Variants in POLQ observed in about 807,000 individuals in gnomAD.
POLQ encodes the protein epididymis secretory sperm binding protein.
In POLQ, 233 loss-of-function variants were observed where a neutral mutation model predicts 259.2. That is an observed-to-expected ratio of 0.90 (90% CI 0.81 to 1.00). The LOEUF is 1.00. Ranked by LOEUF, POLQ falls within the 50% of genes least tolerant of loss-of-function variation. The pLI is 0.00. For synonymous variants in POLQ, 1,025 were observed against 1,048.8 expected (o/e 0.98, Z 0.44); for missense variants, 2,871 against 3,051.6 (o/e 0.94, Z 1.39).
At chr3:121,504,352 C>T (rs1443917839) in intron 12 of POLQ, among the ~76,000 whole-genome samples, 5 of 152,080 alleles carry the variant, frequency 3.3e-5, no homozygotes, top group Non-Finnish European at 7.4e-5. Flanking sequence ...AAGAAAAAAT[C>T]GAAACTCTGA....
Position 121,529,737 on chromosome 3 carries a change from G to C in POLQ, c.1016C>G (p.Ser339Ter). The C allele has an allele frequency of 6.2e-7, 1 of 1,611,432 alleles. No homozygotes were observed. The highest frequency in any genetic ancestry group is 1.1e-5 in the South Asian group (1 of 90,980). ...CTTTGATGGACAAAAAAGTAATACT[G>C]AATGGTTATCACAAATCGTCTCATA... ...LCYETICDNHSVLLFCPSKKW... is the reference protein window; with the variant it reads ...LCYETICDNH The change falls in exon 7 of 30, where the codon TCA becomes TGA. Residue 339 changes from serine (S) to a stop codon, truncating the protein, a stop_gained. Transcript: ENST00000264233. LOFTEE classifies it high-confidence loss of function.
intron 15 of POLQ, among the ~76,000 whole-genome samples, chr3:121,492,660 C>T (rs1373038443): frequency 3.4e-5 from 5 of 148,980 alleles, no homozygotes; most frequent in East Asian, 2.0e-4. Context: ...TTTTGAGACA[C>T]GATCTTACTC....
At chr3:121,466,631 G>A (rs1011242230) in intron 24 of POLQ, among the ~76,000 whole-genome samples, 4 of 150,678 alleles carry the variant, frequency 2.7e-5, no homozygotes, top group South Asian at 2.1e-4. Flanking sequence ...CAGAGGTTGC[G>A]CTGAGCCGAG....
At chr3:121,469,720 C>G (rs997820591) in intron 22 of POLQ, among the ~76,000 whole-genome samples, 4 of 150,314 alleles carry the variant, frequency 2.7e-5, no homozygotes, top group Non-Finnish European at 5.9e-5. Context: ...ACTGGCAGAC[C>G]AAAAAAAATG....
intron 16 of POLQ, among the ~76,000 whole-genome samples, chr3:121,485,385 AG>A (rs2048003410): frequency 6.6e-6 from 1 of 152,340 alleles, no homozygotes; most frequent in African/African-American, 2.4e-5. Flanking sequence ...ACTATGAAAA[AG>A]CTATCAAGGA....
chr3:121,459,369 A>ATTTTTTTTT (rs58859161), intron 25 of POLQ, among the ~76,000 whole-genome samples: 1,603 of 104,786 alleles, frequency 0.015, 1 homozygote, highest in East Asian at 0.021. Context: ...GACTAGAAAG[A>ATTTTTTTTT]TTTTTTTTTT....
intron 26 of POLQ, among the ~76,000 whole-genome samples, chr3:121,447,563 A>G (rs570816726): frequency 2.0e-5 from 3 of 152,236 alleles, no homozygotes; most frequent in African/African-American, 4.8e-5. Flanking sequence ...TTGTCTTTCT[A>G]TTTAAGATAA....
At chr3:121,506,046 G>A (rs1056099366) in intron 12 of POLQ, among the ~76,000 whole-genome samples, 3 of 150,662 alleles carry the variant, frequency 2.0e-5, no homozygotes, top group African/African-American at 7.3e-5. Context: ...AAAAAAATAG[G>A]GGGATCACAA....
rs1399350945 is a variant in POLQ at position 121,432,854 on chromosome 3, C to G, written c.7659+64G>C. ...AAATCCTCATGCACAGGAAACAAAG[C>G]TGTCGGCCTGACAATACAGTGTCTT... is the stretch of plus-strand genomic sequence containing the variant. On this transcript the variant is annotated intron_variant, in intron 29 of 29. Transcript: ENST00000264233. 3 of 953,262 alleles carry G rather than the reference C, an allele frequency of 3.1e-6. No individual in the cohort carries two copies. In the African/African-American group the frequency reaches 4.8e-5, roughly 15 times the overall value. 59.1% of individuals were successfully genotyped at this position (953,262 alleles called of 1,614,324 possible).
At chr3:121,532,932 A>C in intron 6 of POLQ, 58 bp downstream of exon 6, 1 of 1,097,086 alleles carries the variant, frequency 9.1e-7, no homozygotes, top group Non-Finnish European at 1.3e-6. Flanking sequence ...GCAATTTGCT[A>C]GAAAATGAAA....
intron 7 of POLQ, among the ~76,000 whole-genome samples, chr3:121,524,852 T>C (rs2048361172): frequency 6.6e-6 from 1 of 152,052 alleles, no homozygotes; most frequent in African/African-American, 2.4e-5. Context: ...ACAAAATGGG[T>C]ACATTTTCTT....
chr3:121,496,327 C>T (rs562996907), intron 14 of POLQ, among the ~76,000 whole-genome samples: 17 of 152,044 alleles, frequency 1.1e-4, no homozygotes, highest in East Asian at 3.9e-4. Flanking sequence ...AAGCGCCCAC[C>T]GCCACACCTG....
chr3:121,508,016 A>ATTTTT (rs4048669), intron 12 of POLQ, among the ~76,000 whole-genome samples: 6 of 129,612 alleles, frequency 4.6e-5, no homozygotes, highest in African/African-American at 8.8e-5. Flanking sequence ...ACCATACACA[A>ATTTTT]TTTTTTTTTT....
rs775170141 is a variant in POLQ, at chr3:121,541,502, G to A, written c.344-23C>T. Reference sequence around the variant, plus strand: ...GAGCTAAAACATGATTATTCCACAAGATTATAAGAAAAAAGTAATATTCGG... The same window carrying A: ...GAGCTAAAACATGATTATTCCACAAAATTATAAGAAAAAAGTAATATTCGG... On this transcript the variant is annotated intron_variant, in intron 2 of 29. Transcript: ENST00000264233. 4 of 1,571,462 alleles carry A rather than the reference G, an allele frequency of 2.5e-6. No homozygotes were observed. The Admixed American group carries it at 5.9e-5, about 23-fold the overall frequency.
intron 16 of POLQ, among the ~76,000 whole-genome samples, chr3:121,486,900 AG>A (rs2048016522): frequency 6.8e-6 from 1 of 147,380 alleles, no homozygotes; most frequent in African/African-American, 2.5e-5. Flanking sequence ...AGACAGAGAG[AG>A]AGAGAGAGAG....
intron 28 of POLQ, among the ~76,000 whole-genome samples, chr3:121,434,416 T>C (rs1302735428): frequency 6.6e-6 from 1 of 152,254 alleles, no homozygotes; most frequent in Non-Finnish European, 1.5e-5. Flanking sequence ...CTTCCTCTCC[T>C]TTCTTAAATA....
chr3:121,520,891 C>T (rs753208872), intron 8 of POLQ, among the ~76,000 whole-genome samples: 5 of 152,088 alleles, frequency 3.3e-5, no homozygotes, highest in South Asian at 4.1e-4. Flanking sequence ...GACATAAATA[C>T]GTGATGAACA....
intron 5 of POLQ, among the ~76,000 whole-genome samples, chr3:121,535,968 A>T (rs1289192515): frequency 1.3e-5 from 2 of 152,150 alleles, no homozygotes; most frequent in Non-Finnish European, 2.9e-5. Context: ...GAAGGGCTTC[A>T]GGAAAATCTT....
intron 29 of POLQ, 109 bp from the exon 30 acceptor site, chr3:121,432,526 T>G: frequency 9.8e-7 from 1 of 1,025,412 alleles, no homozygotes; most frequent in Non-Finnish European, 1.4e-6. Flanking sequence ...CCAATGGTGC[T>G]TAAAATGCTA....
Sources: gnomAD v4.1 joint callset for allele counts (sites outside exome capture counted in the v4.1 genomes callset) on GRCh38, gnomAD v4.1.1 for gene constraint, MANE v1.5 for transcripts, NCBI Gene and HGNC (gene_info 2026-07-23, HGNC 2026-07-21) for gene names.